Variants in CCSER1 observed in about 807,000 individuals in gnomAD.
The protein encoded by CCSER1 is serine-rich coiled-coil domain-containing protein 1.
Under a neutral mutation model 82.0 loss-of-function variants are expected in CCSER1, and 41 were observed. That is an observed-to-expected ratio of 0.50 (90% CI 0.39 to 0.65). The LOEUF is 0.65. CCSER1 is among the 30% of genes least tolerant of loss of function. The pLI is 0.00. For missense variants in CCSER1, 1,119 were observed against 1,064.2 expected (o/e 1.05, Z -0.72); for synonymous variants, 414 against 383.9 (o/e 1.08, Z -0.92).
intron 10 of CCSER1, among the ~76,000 whole-genome samples, chr4:91,419,418 A>G (rs1318420289): frequency 2.6e-5 from 4 of 152,106 alleles, no homozygotes; most frequent in African/African-American, 9.7e-5. Flanking sequence ...GAAAAGTTAC[A>G]ATGAGCCACC....
intron 7 of CCSER1, among the ~76,000 whole-genome samples, chr4:90,812,993 C>T (rs934520442): frequency 6.6e-6 from 1 of 152,138 alleles, no homozygotes; most frequent in Non-Finnish European, 1.5e-5. Context: ...GTCCCTGGCC[C>T]CTCCCAAATC....
chr4:90,686,200 C>T (rs952531239), intron 6 of CCSER1, among the ~76,000 whole-genome samples: 2 of 152,094 alleles, frequency 1.3e-5, no homozygotes, highest in African/African-American at 4.8e-5. Flanking sequence ...TAGCCACAGG[C>T]CTCAGAGCTT....
intron 5 of CCSER1, among the ~76,000 whole-genome samples, chr4:90,489,899 A>G (rs1767705181): frequency 1.3e-5 from 2 of 151,988 alleles, no homozygotes; most frequent in Non-Finnish European, 2.9e-5. Context: ...TATGTGGCAC[A>G]TTTTCTTAAT....
intron 10 of CCSER1, among the ~76,000 whole-genome samples, chr4:91,433,432 C>T (rs1578439256): frequency 1.3e-5 from 2 of 152,202 alleles, no homozygotes; most frequent in East Asian, 3.9e-4. Flanking sequence ...TCACTCAGCA[C>T]TCATTCACTG....
At chr4:90,601,331 CT>C (rs1784014844) in intron 5 of CCSER1, among the ~76,000 whole-genome samples, 1 of 151,474 alleles carries the variant, frequency 6.6e-6, no homozygotes. Context: ...TTTAGATATC[CT>C]TTATCAGGTT....
In CCSER1 at chr4:90,917,635, A is replaced by C. The variant is rs559953868; in HGVS notation, c.2095-5735A>C. On this transcript the variant is annotated intron_variant, in intron 8 of 10. Coordinates refer to ENST00000509176, the MANE Select transcript of CCSER1 (RefSeq NM_001145065.2). Reference sequence around the variant, plus strand: ...TATGTAACAAACCTGCACTTTGTGCACATGTACCCTAGAACTTAAAGTATA... The same window carrying C: ...TATGTAACAAACCTGCACTTTGTGCCCATGTACCCTAGAACTTAAAGTATA... Among the ~76,000 whole-genome samples the C allele has an allele frequency of 5.9e-5, 9 of 152,270 alleles. No individual in the cohort carries two copies. The South Asian group carries it at 8.3e-4, about 14-fold the overall frequency.
chr4:91,079,170 G>A (rs1225934835), intron 9 of CCSER1, among the ~76,000 whole-genome samples: 11 of 152,168 alleles, frequency 7.2e-5, no homozygotes, highest in Non-Finnish European at 1.6e-4. Context: ...GTTAAGGGCA[G>A]CCAGACAGGT....
At chr4:90,998,753 T>C (rs1561457976) in intron 9 of CCSER1, among the ~76,000 whole-genome samples, 1 of 151,950 alleles carries the variant, frequency 6.6e-6, no homozygotes, top group African/African-American at 2.4e-5. Flanking sequence ...CATTAGATTA[T>C]GAGAGTACAT....
In CCSER1 at chr4:90,461,277, C is replaced by T. The variant is rs942721435; in HGVS notation, c.1604-6957C>T. 3.0e-4 allele frequency among the ~76,000 whole-genome samples: 36 copies of T among 118,840 alleles called. 1 individual carries two copies. The East Asian group carries it at 5.3e-3, about 18-fold the overall frequency. The allele number at this position is 118,840 out of a possible 152,430, so 78.0% of individuals were successfully genotyped here. On this transcript the variant is annotated intron_variant, in intron 4 of 10. Coordinates refer to ENST00000509176, the MANE Select transcript of CCSER1 (RefSeq NM_001145065.2). ...AGACGGGGTTTCACCGTTTTTTAGC[C>T]GGGATGGTCTCGATCTCCTGACCTC...
chr4:90,674,559 G>A (rs1733464983), intron 6 of CCSER1, among the ~76,000 whole-genome samples: 1 of 151,876 alleles, frequency 6.6e-6, no homozygotes, highest in Non-Finnish European at 1.5e-5. Context: ...ACTCCTGACG[G>A]CATTGTTTTA....
At chr4:90,273,010 C>CA (rs202218891) in intron 1 of CCSER1, among the ~76,000 whole-genome samples, 7,382 of 144,908 alleles carry the variant, frequency 0.051, 476 homozygotes, top group African/African-American at 0.17. Context: ...CTCAAAAAAA[C>CA]AAACAAACAA....
chr4:91,464,238 A>T (rs1418666673), intron 10 of CCSER1, among the ~76,000 whole-genome samples: 1 of 152,180 alleles, frequency 6.6e-6, no homozygotes, highest in Admixed American at 6.5e-5. Flanking sequence ...CCAGAATTTC[A>T]TATCCAGCCA....
At chr4:91,417,278 TGTG>T (rs1469910487) in intron 10 of CCSER1, among the ~76,000 whole-genome samples, 1 of 152,122 alleles carries the variant, frequency 6.6e-6, no homozygotes, top group East Asian at 1.9e-4. Context: ...GTGGATACAG[TGTG>T]GTGATTTCTC....
chr4:91,046,523 A>C (rs1742502120), intron 9 of CCSER1, among the ~76,000 whole-genome samples: 1 of 152,132 alleles, frequency 6.6e-6, no homozygotes, highest in Non-Finnish European at 1.5e-5. Flanking sequence ...TTCTTTACTT[A>C]GATGATAAGA....
At chr4:91,564,802 T>C (rs989570110) in intron 10 of CCSER1, among the ~76,000 whole-genome samples, 8 of 152,072 alleles carry the variant, frequency 5.3e-5, no homozygotes, top group African/African-American at 1.9e-4. Flanking sequence ...GAAGCATAGT[T>C]TGCAAATATT....
At chr4:90,181,301 A>G (rs1733688593) in intron 1 of CCSER1, among the ~76,000 whole-genome samples, 8 of 152,214 alleles carry the variant, frequency 5.3e-5, no homozygotes, top group Admixed American at 5.2e-4. Flanking sequence ...TTTAATTCAT[A>G]TAAAATGTCA....
intron 10 of CCSER1, among the ~76,000 whole-genome samples, chr4:91,201,560 T>G (rs1370303600): frequency 6.6e-6 from 1 of 152,066 alleles, no homozygotes; most frequent in Admixed American, 6.6e-5. Context: ...GTGTCAAATC[T>G]TGGAGTACAA....
chr4:91,462,738 C>T (rs1189865043), intron 10 of CCSER1, among the ~76,000 whole-genome samples: 4 of 152,176 alleles, frequency 2.6e-5, no homozygotes, highest in African/African-American at 4.8e-5. Flanking sequence ...GAGGGTCCCA[C>T]ACCCACGGAG....
chr4:90,880,215 C>T (rs549311212), intron 8 of CCSER1, among the ~76,000 whole-genome samples: 58 of 152,132 alleles, frequency 3.8e-4, no homozygotes, highest in Admixed American at 1.0e-3. Context: ...TGTATCTCTC[C>T]GGTGATCTCA....
Sources: gnomAD v4.1 joint callset for allele counts (sites outside exome capture counted in the v4.1 genomes callset) on GRCh38, gnomAD v4.1.1 for gene constraint, MANE v1.5 for transcripts, NCBI Gene and HGNC (gene_info 2026-07-23, HGNC 2026-07-21) for gene names.